The following MPDZ variants were observed in gnomAD, a reference collection of about 807,000 sequenced individuals.
The protein encoded by MPDZ is multiple PDZ domain crumbs cell polarity complex component.
In MPDZ, 234 loss-of-function variants were observed where a neutral mutation model predicts 239.1. The observed-to-expected ratio is 0.98, with a 90% confidence interval of 0.88 to 1.09. MPDZ has a LOEUF of 1.09. Ranked by LOEUF, MPDZ falls within the 50% of genes least tolerant of loss-of-function variation. The pLI is 0.00. For missense variants in MPDZ, 3,175 were observed against 2,510.0 expected (o/e 1.26, Z -5.66); for synonymous variants, 1,048 against 881.3 (o/e 1.19, Z -3.35).
chr9:13,206,093 C>T lies in MPDZ; in HGVS notation c.1297G>A (p.Gly433Ser). Residue 433 changes from glycine to serine, a missense_variant, in exon 11 of 47, where the codon GGC becomes AGC. Transcript: ENST00000319217. ...TTAGTAAAACCCTGAAGGTTTGTGC[C>T]ATCTACCTGTGATTAAAAAAAAAAA... The part of the protein sequence containing the change: ...QIGDQIIAVD[G>S]TNLQGFTNQQ... The T allele has an allele frequency of 2.5e-6, 4 of 1,584,660 alleles. No homozygotes were observed. Among genetic ancestry groups the T allele is most frequent in the Non-Finnish European group, 3.4e-6 (4 of 1,170,652 alleles).
chr9:13,194,322 T>C (rs939956684), intron 13 of MPDZ, among the ~76,000 whole-genome samples: 1 of 151,544 alleles, frequency 6.6e-6, no homozygotes, highest in African/African-American at 2.4e-5. Context: ...AGTTCAGTCT[T>C]TGGATAAAGA....
intron 3 of MPDZ, among the ~76,000 whole-genome samples, chr9:13,232,342 T>C (rs112556686): frequency 1.6e-4 from 24 of 152,262 alleles, no homozygotes; most frequent in Admixed American, 4.6e-4. Flanking sequence ...ATTTGTTTAA[T>C]TGGAACACAA....
intron 21 of MPDZ, among the ~76,000 whole-genome samples, chr9:13,172,320 T>C (rs770962125): frequency 2.6e-5 from 4 of 151,832 alleles, no homozygotes; most frequent in Non-Finnish European, 5.9e-5. Context: ...TACACTTTTA[T>C]ATTACAGTGT....
At chr9:13,248,052 C>T (rs1387276504) in intron 2 of MPDZ, among the ~76,000 whole-genome samples, 1 of 151,806 alleles carries the variant, frequency 6.6e-6, no homozygotes, top group Non-Finnish European at 1.5e-5. Flanking sequence ...AATGATGAAA[C>T]CCCGTTTCTA....
At chr9:13,258,101 T>C (rs1588158884) in intron 1 of MPDZ, among the ~76,000 whole-genome samples, 1 of 152,260 alleles carries the variant, frequency 6.6e-6, no homozygotes, top group Non-Finnish European at 1.5e-5. Context: ...GGGATAAAAA[T>C]AAAACAGAAT....
chr9:13,178,709 T>C (rs772511253), intron 19 of MPDZ, among the ~76,000 whole-genome samples: 2 of 152,180 alleles, frequency 1.3e-5, no homozygotes, highest in Non-Finnish European at 1.5e-5. Context: ...GACATTCTTC[T>C]TGTCATTGGC....
chr9:13,222,121 T>A, intron 6 of MPDZ, 112 bp downstream of exon 6: 1 of 731,990 alleles, frequency 1.4e-6, no homozygotes, highest in Non-Finnish European at 2.1e-6. Context: ...AAAAGAATAG[T>A]CAGACAAAAA....
At chr9:13,228,824 T>C (rs1489378522) in intron 3 of MPDZ, among the ~76,000 whole-genome samples, 3 of 152,184 alleles carry the variant, frequency 2.0e-5, no homozygotes, top group Admixed American at 2.0e-4. Context: ...GTCATAAATT[T>C]GTATATTATA....
chr9:13,122,026 A>G (rs1259115411), intron 37 of MPDZ, 61 bp downstream of exon 37: 3 of 1,602,800 alleles, frequency 1.9e-6, no homozygotes, highest in Admixed American at 1.7e-5. Context: ...AAAGAAAGAA[A>G]CACTCCCCCC....
chr9:13,197,846 T>C (rs1451230090), intron 12 of MPDZ, among the ~76,000 whole-genome samples: 1 of 152,076 alleles, frequency 6.6e-6, no homozygotes, highest in Non-Finnish European at 1.5e-5. Context: ...GATCATGCGG[T>C]ATGTGTCTTT....
chr9:13,259,182 A>C (rs1380663117), intron 1 of MPDZ, among the ~76,000 whole-genome samples: 1 of 152,014 alleles, frequency 6.6e-6, no homozygotes, highest in Non-Finnish European at 1.5e-5. Flanking sequence ...ATAATGAGAG[A>C]GCTGCCTAAT....
chr9:13,222,124 G>C (rs1341761218), intron 6 of MPDZ, 109 bp downstream of exon 6: 3 of 780,624 alleles, frequency 3.8e-6, no homozygotes, highest in Non-Finnish European at 5.8e-6. Context: ...AGAATAGTCA[G>C]ACAAAAACTC....
At chr9:13,236,578 G>C (rs1344036401) in intron 3 of MPDZ, among the ~76,000 whole-genome samples, 3 of 151,624 alleles carry the variant, frequency 2.0e-5, no homozygotes, top group East Asian at 2.0e-4. Context: ...ACTGTGCCCA[G>C]CCCTCCATGT....
intron 26 of MPDZ, among the ~76,000 whole-genome samples, chr9:13,143,829 C>G (rs1305838745): frequency 1.3e-5 from 2 of 152,086 alleles, no homozygotes; most frequent in East Asian, 3.9e-4. Context: ...TTTATTTTTG[C>G]TCAATGTCTT....
intron 32 of MPDZ, 81 bp from the exon 33 acceptor site, chr9:13,126,853 C>A (rs951795658): frequency 1.8e-6 from 2 of 1,134,136 alleles, no homozygotes; most frequent in African/African-American, 1.5e-5. Context: ...GTAAGAAAAA[C>A]AACTAAAACT....
chr9:13,197,819 C>T (rs1324484341), intron 12 of MPDZ, among the ~76,000 whole-genome samples: 1 of 151,970 alleles, frequency 6.6e-6, no homozygotes, highest in African/African-American at 2.4e-5. Flanking sequence ...ACTTTTTAAG[C>T]GCCCACTTAT....
intron 24 of MPDZ, among the ~76,000 whole-genome samples, chr9:13,151,669 T>A (rs577261210): frequency 6.6e-6 from 1 of 151,950 alleles, no homozygotes; most frequent in Non-Finnish European, 1.5e-5. Context: ...GCTTAATGGG[T>A]ATGGAATTAC....
At chr9:13,113,839 G>C (rs1025022242) in intron 41 of MPDZ, 92 bp downstream of exon 41, 9 of 963,594 alleles carry the variant, frequency 9.3e-6, no homozygotes, top group Non-Finnish European at 1.4e-5. Context: ...GGGATGATTT[G>C]GGGGAAAAGA....
chr9:13,227,577 C>T lies in MPDZ; in HGVS notation c.184-2994G>A, dbSNP rs543488777. Among the ~76,000 whole-genome samples, 127 of 151,986 alleles carry T rather than the reference C, an allele frequency of 8.4e-4. 3 individuals carry two copies. The highest frequency in any genetic ancestry group is 6.5e-4 in the Non-Finnish European group (44 of 67,968). On this transcript the variant is annotated intron_variant, in intron 3 of 46. Coordinates refer to ENST00000319217, the MANE Select transcript of MPDZ (RefSeq NM_001378778.1). The stretch of plus-strand genomic sequence containing the variant: ...GTAAGCCAGAATGAACAAATCGCAT[C>T]CCGAGAATAGAGAGTCTGTCTGTAA...
Sources: allele counts gnomAD v4.1 joint callset (sites outside exome capture counted in the v4.1 genomes callset), GRCh38; gene constraint gnomAD v4.1.1; transcripts MANE v1.5; gene names NCBI Gene and HGNC (gene_info 2026-07-23, HGNC 2026-07-21).